CELSR3: variants seen among roughly 807,000 people sequenced by gnomAD.
CELSR3 encodes the protein cadherin EGF LAG seven-pass G-type receptor 3.
In CELSR3, 73 loss-of-function variants were observed where a neutral mutation model predicts 270.0. That is an observed-to-expected ratio of 0.27 (90% CI 0.22 to 0.33). The LOEUF (loss-of-function observed/expected upper bound fraction) is 0.33. Ranked by LOEUF, CELSR3 falls within the 10% of genes least tolerant of loss-of-function variation. CELSR3 has a pLI of 1.00. For synonymous variants in CELSR3, 1,780 were observed against 1,905.4 expected (o/e 0.93, Z 1.71); for missense variants, 3,614 against 4,533.8 (o/e 0.80, Z 5.83).
chr3:48,656,459 G>A, intron 2 of CELSR3, 94 bp from the exon 3 acceptor site: 2 of 1,242,588 alleles, frequency 1.6e-6, no homozygotes, highest in South Asian at 1.8e-5. Context: ...CGGGTGCCAA[G>A]ACCCCCGAAA....
In CELSR3 at chr3:48,650,623, G is replaced by C. The variant is rs1333789985; in HGVS notation, c.6371-42C>G. The stretch of plus-strand genomic sequence containing the variant: ...TGCTGAGCCAGGCAGTCAGGGTACA[G>C]GGCAGTTGACAGCCACACCCACTGC... On this transcript the variant is annotated intron_variant, in intron 15 of 34. Coordinates refer to ENST00000164024, the MANE Select transcript of CELSR3 (RefSeq NM_001407.3). The surrounding 1 kb of genome is among the most constrained non-coding windows in gnomAD (Gnocchi z 5.1). 1.3e-6 allele frequency: 2 copies of C among 1,529,042 alleles called. No homozygotes were observed. The highest frequency in any genetic ancestry group is 4.3e-5 in the Admixed American group (2 of 46,992). The allele number at this position is 1,529,042 out of a possible 1,614,324, so 94.7% of individuals were successfully genotyped here. A position where few individuals can be genotyped will look rare whatever the true frequency, so the allele number is the denominator to read the frequency against.
rs2047143144 is a variant in CELSR3, at chr3:48,652,123, C to T, written c.5752-75G>A. The T allele has an allele frequency of 5.1e-6, 7 of 1,375,722 alleles. No individual in the cohort carries two copies. The African/African-American group carries it at 8.8e-5, about 17-fold the overall frequency. The allele number at this position is 1,375,722 out of a possible 1,614,324, so 85.2% of individuals were successfully genotyped here. A position where few individuals can be genotyped will look rare whatever the true frequency, so the allele number is the denominator to read the frequency against. On this transcript the variant is annotated intron_variant, in intron 11 of 34. Coordinates refer to ENST00000164024, the MANE Select transcript of CELSR3 (RefSeq NM_001407.3). The surrounding 1 kb of genome is among the most constrained non-coding windows in gnomAD (Gnocchi z 4.3). ...CCTCAAGTACTGCAGAGCCAGCCAC[C>T]CGGTCTGATGATCCTTGACATGCAG...
rs755423012 is a variant in CELSR3 at position 48,642,427 on chromosome 3, T to G, written c.8596A>C (p.Thr2866Pro). The G allele has an allele frequency of 1.2e-6, 2 of 1,613,096 alleles. No homozygotes were observed. Among genetic ancestry groups the G allele is most frequent in the East Asian group, 4.5e-5 (2 of 44,878 alleles). The part of the protein sequence containing the change: ...LVRHGSAADH[T>P]DHSLQAHAGP... ...GCATGAGCCTGGAGGCTGTGGTCAG[T>G]GTGGTCAGCGGCTGAGCCATGTCGA... Residue 2866 changes from threonine (T) to proline (P), a missense_variant, in exon 31 of 35, where the codon ACT becomes CCT. Around this residue, in one of 7 missense-constraint regions of CELSR3, gnomAD observed 1,240 missense variants for 1,351.7 expected, o/e 0.92. Coordinates refer to ENST00000164024, the MANE Select transcript of CELSR3 (RefSeq NM_001407.3). This position sits in a 1 kb window ranked among gnomAD's most constrained non-coding sequence, Gnocchi z 6.1.
In CELSR3 at chr3:48,654,044, T is replaced by TG; in HGVS notation, c.5153-42dup. 6.2e-7 allele frequency: 1 copy of TG among 1,602,552 alleles called. No homozygotes were observed. Among genetic ancestry groups the TG allele is most frequent in the Non-Finnish European group, 8.5e-7 (1 of 1,172,070 alleles). On this transcript the variant is annotated intron_variant, in intron 7 of 34. Coordinates refer to ENST00000164024, the MANE Select transcript of CELSR3 (RefSeq NM_001407.3). This position sits in a 1 kb window ranked among gnomAD's most constrained non-coding sequence, Gnocchi z 5.4. ...ACATGGCGGACATGAGAACAAGGGT[T>TG]GGGGGGCACAAGTGCTGGACAGGAC...
At position 48,647,932 on chromosome 3, in the gene CELSR3, G is replaced by A. The variant is rs1304443030; in HGVS notation, c.7038C>T (p.Tyr2346=). 6.2e-7 allele frequency: 1 copy of A among 1,612,028 alleles called. No homozygotes were observed. Among genetic ancestry groups the A allele is most frequent in the Non-Finnish European group, 8.5e-7 (1 of 1,179,722 alleles). ...CCTGGCCTCGAAAGAGGTTGCTATG[G>A]TAGCGAGGGTAGCGACGGGCCCCCC... The part of the protein sequence containing the change: ...SPRGARRYPR[Y]HSNLFRGQDA... Residue 2346 remains tyrosine (Y), a synonymous_variant, in exon 20 of 35, where the codon TAC becomes TAT. Transcript: ENST00000164024.
chr3:48,653,938 G>C lies in CELSR3; in HGVS notation c.5218C>G (p.Arg1740Gly). The C allele has an allele frequency of 6.2e-7, 1 of 1,613,426 alleles. No individual in the cohort carries two copies. The highest frequency in any genetic ancestry group is 8.5e-7 in the Non-Finnish European group (1 of 1,179,984). ...PCKNSGFCSERWGSFSCDCPV... is the reference protein window; with the variant it reads ...PCKNSGFCSEGWGSFSCDCPV... The stretch of plus-strand genomic sequence containing the variant: ...CAGTCGCAGCTGAAGCTGCCCCAGC[G>C]CTCCGAGCAGAAGCCACTGTTCTTG... The change falls in exon 8 of 35, where the codon CGC becomes GGC. Residue 1740 changes from arginine (R) to glycine (G), a missense_variant. Transcript: ENST00000164024. This position sits in a 1 kb window ranked among gnomAD's most constrained non-coding sequence, Gnocchi z 6.5.
In CELSR3 at chr3:48,658,898, A is replaced by G; in HGVS notation, c.3737T>C (p.Val1246Ala). 6.2e-7 allele frequency: 1 copy of G among 1,613,240 alleles called. No individual in the cohort carries two copies. The highest frequency in any genetic ancestry group is 8.5e-7 in the Non-Finnish European group (1 of 1,179,256). The change falls in exon 1 of 35, where the codon GTG becomes GCG. Residue 1246 changes from valine to alanine, a missense_variant. Physicochemically the swap from Val to Ala is moderately conservative, Grantham distance 64. Around this residue, in one of 7 missense-constraint regions of CELSR3, gnomAD observed 1,331 missense variants for 1,933.7 expected, o/e 0.69. Transcript: ENST00000164024. This position sits in a 1 kb window ranked among gnomAD's most constrained non-coding sequence, Gnocchi z 4.7. The part of the protein sequence containing the change: ...NNRPLVASML[V>A]TVTDGLHSVT... ...CCCCTGCCCCTCACCTGTGACAGTC[A>G]CCAACATGGAGGCCACCAGTGGGCG...
intron 2 of CELSR3, 31 bp downstream of exon 2, chr3:48,656,645 GCCCCCAGCCTTGGCCCGTGCTT>G: frequency 6.9e-7 from 1 of 1,441,520 alleles, no homozygotes; most frequent in Non-Finnish European, 9.1e-7. Flanking sequence ...TTGTGGTCCC[GCCCCCAGCCTTGGCCCGTGCTT>G]CCCCCAGCTC....
rs769126116 is a variant in CELSR3 at position 48,661,061 on chromosome 3, C to T, written c.1574G>A (p.Arg525His). 1.7e-5 allele frequency: 28 copies of T among 1,613,574 alleles called. No individual in the cohort carries two copies. The highest frequency in any genetic ancestry group is 8.3e-5 in the Admixed American group (5 of 60,002). ...TATGTGTACGCGCACAGTGGCCGAG[C>T]GCGGCCCGGGTTCCTGGCCCTGGTC... ...ASDQGQEPGP[R>H]SATVRVHITV... Residue 525 changes from arginine (R) to histidine (H), a missense_variant, in exon 1 of 35, where the codon CGC becomes CAC. This residue lies in a region of CELSR3 where 354 missense variants were observed against 500.9 expected (regional missense o/e 0.71). Transcript: ENST00000164024.
In CELSR3 at chr3:48,642,126, C is replaced by A. The variant is rs539973694; in HGVS notation, c.8666-117G>T. The A allele has an allele frequency of 9.6e-4, 1,014 of 1,053,706 alleles. 3 individuals carry two copies. Among genetic ancestry groups the A allele is most frequent in the Non-Finnish European group, 1.3e-3 (941 of 746,204 alleles). The allele number at this position is 1,053,706 out of a possible 1,614,324, so 65.3% of individuals were successfully genotyped here. On this transcript the variant is annotated intron_variant, in intron 31 of 34. Transcript: ENST00000164024. The surrounding 1 kb of genome is among the most constrained non-coding windows in gnomAD (Gnocchi z 6.1). ...GGGGGTTAGGGTTGGGGACAGGAAC[C>A]GGGGCTTGAAGTGGAGGTAGCAGCA...
Position 48,645,801 on chromosome 3 carries a change from G to A in CELSR3, c.7531C>T (p.Arg2511Trp), listed in dbSNP as rs776835086. Residue 2511 changes from arginine (R) to tryptophan (W), a missense_variant, in exon 23 of 35, where the codon CGG becomes TGG. By Grantham distance (101) the Arg-to-Trp change is moderately radical. Transcript: ENST00000164024. The surrounding 1 kb of genome is among the most constrained non-coding windows in gnomAD (Gnocchi z 5.4). ...GTCCCTGTCCGGCTGCAGCGACACC[G>A]TGCGTGGGACCCATTCCTGTGCACC... ...ELVHRNGSHA[R>W]CRCSRTGTFG... The A allele has an allele frequency of 1.5e-5, 24 of 1,611,842 alleles. No individual in the cohort carries two copies. Among genetic ancestry groups the A allele is most frequent in the East Asian group, 1.3e-4 (6 of 44,834 alleles).
Position 48,644,837 on chromosome 3 carries a change from G to A in CELSR3, c.7973-9C>T, listed in dbSNP as rs758873644. 6.2e-7 allele frequency: 1 copy of A among 1,610,326 alleles called. No homozygotes were observed. The highest frequency in any genetic ancestry group is 1.7e-5 in the Admixed American group (1 of 59,884). ...CAGGCCCACAGCAAGGCCTTGGGAAGAGAAAGGGTAGGACTGAGGGTGTGT... is the reference window on the plus strand; with the variant it reads ...CAGGCCCACAGCAAGGCCTTGGGAAAAGAAAGGGTAGGACTGAGGGTGTGT... On this transcript the variant is annotated splice_polypyrimidine_tract_variant and intron_variant, in intron 25 of 34. Transcript: ENST00000164024. This position sits in a 1 kb window ranked among gnomAD's most constrained non-coding sequence, Gnocchi z 4.8.
Position 48,642,450 on chromosome 3 carries a change from C to T in CELSR3, c.8573G>A (p.Arg2858Gln), listed in dbSNP as rs1035385538. 8.7e-6 allele frequency: 14 copies of T among 1,612,834 alleles called. No homozygotes were observed. Among genetic ancestry groups the T allele is most frequent in the Admixed American group, 3.3e-5 (2 of 59,956 alleles). Residue 2858 changes from arginine (R) to glutamine (Q), a missense_variant, in exon 31 of 35, where the codon CGA becomes CAA. Physicochemically the swap from Arg to Gln is conservative, Grantham distance 43 (BLOSUM62 1). Coordinates refer to ENST00000164024, the MANE Select transcript of CELSR3 (RefSeq NM_001407.3). The surrounding 1 kb of genome is among the most constrained non-coding windows in gnomAD (Gnocchi z 6.1). ...AGTGTGGTCAGCGGCTGAGCCATGT[C>T]GAACCAGGACATTGTCCCTGGAAAA... ...RSYLRDNVLV[R>Q]HGSAADHTDH...
In CELSR3 at chr3:48,661,462, C is replaced by T. The variant is rs761827555; in HGVS notation, c.1173G>A (p.Leu391=). The T allele has an allele frequency of 4.5e-5, 72 of 1,608,764 alleles. 1 individual carries two copies. In the Middle Eastern group the frequency reaches 1.5e-3, roughly 33 times the overall value. The change falls in exon 1 of 35, where the codon CTG becomes CTA. Residue 391 remains leucine, a synonymous_variant. Transcript: ENST00000164024. ...QSGLIRTAAA[L]DRESMERHYL... ...AGTGACGCTCCATGCTCTCGCGGTC[C>T]AGAGCTGCCGCCGTACGGATAAGGC...
chr3:48,643,596 G>C lies in CELSR3; in HGVS notation c.8247C>G (p.Ile2749Met), dbSNP rs948565668. 1 of 1,551,044 alleles carries C rather than the reference G, an allele frequency of 6.4e-7. No individual in the cohort carries two copies. The highest frequency in any genetic ancestry group is 8.7e-7 in the Non-Finnish European group (1 of 1,146,974). The change falls in exon 28 of 35, where the codon ATC (isoleucine) becomes ATG (methionine). Residue 2749 changes from isoleucine (I) to methionine (M), a missense_variant. By Grantham distance (10) the Ile-to-Met change is conservative. Coordinates refer to ENST00000164024, the MANE Select transcript of CELSR3 (RefSeq NM_001407.3). Reference protein sequence around the residue: ...LFGLLAVNHSILAFHYLHAGL... With the variant: ...LFGLLAVNHSMLAFHYLHAGL... Reference sequence around the variant, plus strand: ...CAGCATGGAGGTAGTGGAAGGCTAGGATGCTGTGGTTGACTGCCAGGAGCC... The same window carrying C: ...CAGCATGGAGGTAGTGGAAGGCTAGCATGCTGTGGTTGACTGCCAGGAGCC...
chr3:48,648,232 T>A, intron 19 of CELSR3, 34 bp downstream of exon 19: 1 of 1,563,310 alleles, frequency 6.4e-7, no homozygotes, highest in Non-Finnish European at 8.8e-7. Context: ...ATGGCCCCCC[T>A]GCTGTGCCCC....
At position 48,642,625 on chromosome 3, in the gene CELSR3, G is replaced by T; in HGVS notation, c.8555+111C>A. 2 of 1,485,410 alleles carry T rather than the reference G, an allele frequency of 1.3e-6. No individual in the cohort carries two copies. Among genetic ancestry groups the T allele is most frequent in the Non-Finnish European group, 1.8e-6 (2 of 1,105,830 alleles). 92.0% of individuals were successfully genotyped at this position (1,485,410 alleles called of 1,614,324 possible). A position where few individuals can be genotyped will look rare whatever the true frequency, so the allele number is the denominator to read the frequency against. ...GGGCAGAGGCAGAAGCAGGGCCCCA[G>T]ATGGCCAAGATGGGTGGAGCCACCC... is the stretch of plus-strand genomic sequence containing the variant. On this transcript the variant is annotated intron_variant, in intron 30 of 34. Coordinates refer to ENST00000164024, the MANE Select transcript of CELSR3 (RefSeq NM_001407.3). This position sits in a 1 kb window ranked among gnomAD's most constrained non-coding sequence, Gnocchi z 6.1.
In CELSR3 at chr3:48,652,090, C is replaced by T; in HGVS notation, c.5752-42G>A. 1 of 1,485,396 alleles carries T rather than the reference C, an allele frequency of 6.7e-7. No individual in the cohort carries two copies. Among genetic ancestry groups the T allele is most frequent in the South Asian group, 1.4e-5 (1 of 72,550 alleles). The allele number at this position is 1,485,396 out of a possible 1,614,324, so 92.0% of individuals were successfully genotyped here. A position where few individuals can be genotyped will look rare whatever the true frequency, so the allele number is the denominator to read the frequency against. Reference sequence around the variant, plus strand: ...AGCAAGGGGTGAGACCATGTTAAGGCACCTCAGCCTCAAGTACTGCAGAGC... The same window carrying T: ...AGCAAGGGGTGAGACCATGTTAAGGTACCTCAGCCTCAAGTACTGCAGAGC... On this transcript the variant is annotated intron_variant, in intron 11 of 34. Coordinates refer to ENST00000164024, the MANE Select transcript of CELSR3 (RefSeq NM_001407.3). The surrounding 1 kb of genome is among the most constrained non-coding windows in gnomAD (Gnocchi z 4.3).
At position 48,648,890 on chromosome 3, in the gene CELSR3, G is replaced by A; in HGVS notation, c.6606C>T (p.Thr2202=). 1 of 1,612,858 alleles carries A rather than the reference G, an allele frequency of 6.2e-7. No homozygotes were observed. Among genetic ancestry groups the A allele is most frequent in the Non-Finnish European group, 8.5e-7 (1 of 1,180,006 alleles). Residue 2202 remains threonine, a synonymous_variant, in exon 18 of 35, where the codon ACC becomes ACT. Coordinates refer to ENST00000164024, the MANE Select transcript of CELSR3 (RefSeq NM_001407.3). ...GLELNKTALD[T]MEAKKLAQRL... ...GCTGAGCCAGCTTCTTGGCCTCCATGGTATCCAGTGCCGTCTTGTTCAGCT... is the reference window on the plus strand; with the variant it reads ...GCTGAGCCAGCTTCTTGGCCTCCATAGTATCCAGTGCCGTCTTGTTCAGCT...
Sources: gnomAD v4.1 joint callset for allele counts on GRCh38, gnomAD v4.1.1 for gene constraint, gnomAD v4.1.1 regional missense constraint, Gnocchi (gnomAD v3.1) non-coding constraint, MANE v1.5 for transcripts, NCBI Gene and HGNC (gene_info 2026-07-23, HGNC 2026-07-21) for gene names.